Variants in PCGF5 observed in about 807,000 individuals in gnomAD.
PCGF5 encodes polycomb group RING finger protein 5.
Under a neutral mutation model 44.3 loss-of-function variants are expected in PCGF5, and 9 were observed. That is an observed-to-expected ratio of 0.20 (90% CI 0.12 to 0.35). The LOEUF (loss-of-function observed/expected upper bound fraction) is 0.35, where lower values mean the gene tolerates loss of function less well. Among genes scored for constraint, PCGF5 ranks in the 10% least tolerant of loss-of-function variants. The pLI is 1.00. For missense variants in PCGF5, 146 were observed against 305.3 expected, an observed-to-expected ratio of 0.48 and a Z score of 3.89; for synonymous variants, 95 against 102.5, an observed-to-expected ratio of 0.93 and a Z score of 0.44.
At chr10:91,195,485 T>TGCATATATATATATATAG (rs1844116618) in intron 1 of PCGF5, among the ~76,000 whole-genome samples, 3 of 113,484 alleles carry the variant, frequency 2.6e-5, no homozygotes, top group Non-Finnish European at 5.5e-5. Context: ...TATATATATA[T>TGCATATATATATATATAG]AGAGAGAGAG....
intron 3 of PCGF5, among the ~76,000 whole-genome samples, chr10:91,241,775 T>C (rs920535213): frequency 8.5e-5 from 13 of 152,228 alleles, no homozygotes; most frequent in Admixed American, 7.9e-4. Flanking sequence ...TCTATAAATC[T>C]GGATTTGCAA....
chr10:91,221,139 G>A (rs1404021646), intron 1 of PCGF5, among the ~76,000 whole-genome samples: 1 of 152,068 alleles, frequency 6.6e-6, no homozygotes, highest in Non-Finnish European at 1.5e-5. Context: ...GGCTGTGCTG[G>A]GACCCCACAG....
At chr10:91,224,831 T>C (rs1338689989) in intron 2 of PCGF5, among the ~76,000 whole-genome samples, 1 of 152,172 alleles carries the variant, frequency 6.6e-6, no homozygotes, top group Non-Finnish European at 1.5e-5. Context: ...GGTGGTTGTA[T>C]TGTGGACATA....
chr10:91,261,878 A>T (rs1257984921), intron 7 of PCGF5, among the ~76,000 whole-genome samples: 1 of 152,240 alleles, frequency 6.6e-6, no homozygotes, highest in Non-Finnish European at 1.5e-5. Context: ...GGTTTTGTTT[A>T]GCAGTAGATA....
At chr10:91,176,586 A>G (rs1843711784) in intron 1 of PCGF5, among the ~76,000 whole-genome samples, 1 of 151,916 alleles carries the variant, frequency 6.6e-6, no homozygotes, top group African/African-American at 2.4e-5. Context: ...ATAGTCCCAT[A>G]TTTCTTGGAG....
intron 1 of PCGF5, among the ~76,000 whole-genome samples, chr10:91,183,041 T>C (rs185672643): frequency 6.6e-6 from 1 of 152,334 alleles, no homozygotes; most frequent in East Asian, 1.9e-4. Flanking sequence ...TCCGATTATA[T>C]GATCAATTTT....
At chr10:91,199,259 G>A in intron 1 of PCGF5, among the ~76,000 whole-genome samples, 1 of 152,208 alleles carries the variant, frequency 6.6e-6, no homozygotes, top group African/African-American at 2.4e-5. Flanking sequence ...ACTCCCAGGT[G>A]TAGTTTTGTA....
intron 9 of PCGF5, among the ~76,000 whole-genome samples, chr10:91,276,047 T>C (rs906002539): frequency 6.6e-6 from 1 of 150,886 alleles, no homozygotes; most frequent in Non-Finnish European, 1.5e-5. Context: ...GTGGAATTGC[T>C]AAATAGATAA....
rs1439053335 is a variant in PCGF5 at position 91,228,115 on chromosome 10, G to T, written c.112+5132G>T. ...GGTCTTAGGGAGAGGGAGAGACTCTGGACTGGGGACTAGAAATTGATGGCC... is the reference window on the plus strand; with the variant it reads ...GGTCTTAGGGAGAGGGAGAGACTCTTGACTGGGGACTAGAAATTGATGGCC... On this transcript the variant is annotated intron_variant, in intron 2 of 9. Transcript: ENST00000336126. 5.3e-5 allele frequency among the ~76,000 whole-genome samples: 8 copies of T among 152,096 alleles called. No homozygotes were observed. The East Asian group carries it at 1.5e-3, about 29-fold the overall frequency.
chr10:91,189,738 G>C (rs992563527), intron 1 of PCGF5, among the ~76,000 whole-genome samples: 1 of 152,144 alleles, frequency 6.6e-6, no homozygotes, highest in African/African-American at 2.4e-5. Context: ...TTTCGCTTAG[G>C]CCTTCTTGCC....
In PCGF5 at chr10:91,194,327, T is replaced by C. The variant is rs575460900; in HGVS notation, c.-183-28362T>C. On this transcript the variant is annotated intron_variant, in intron 1 of 9. Coordinates refer to the PCGF5 transcript ENST00000614189. The stretch of plus-strand genomic sequence containing the variant: ...GAAGTCCTTAGAAGTAGAGTATCTT[T>C]CCCATGGTGGTCAGAGGCTGAGGTG... Among the ~76,000 whole-genome samples the C allele has an allele frequency of 2.3e-4, 35 of 152,288 alleles. 1 individual carries two copies. Among genetic ancestry groups the C allele is most frequent in the Non-Finnish European group, 1.9e-4 (13 of 68,016 alleles).
chr10:91,156,769 C>A, the PCGF5 span, among the ~76,000 whole-genome samples: 1 of 152,182 alleles, frequency 6.6e-6, no homozygotes, highest in Non-Finnish European at 1.5e-5. Flanking sequence ...GTGGTACCCA[C>A]CACATTTAAT....
intron 3 of PCGF5, among the ~76,000 whole-genome samples, chr10:91,245,045 C>G (rs1668512737): frequency 6.6e-6 from 1 of 152,094 alleles, no homozygotes; most frequent in African/African-American, 2.4e-5. Context: ...GAGATCACTT[C>G]AGGGAGTGAG....
At chr10:91,235,333 C>T (rs1845129926) in intron 2 of PCGF5, among the ~76,000 whole-genome samples, 1 of 152,148 alleles carries the variant, frequency 6.6e-6, no homozygotes, top group South Asian at 2.1e-4. Flanking sequence ...ATTTGTCCAA[C>T]AACCTGGTTC....
At chr10:91,261,295 C>T (rs369241567) in intron 6 of PCGF5, 31 bp from the exon 7 acceptor site, 2 of 1,445,322 alleles carry the variant, frequency 1.4e-6, no homozygotes, top group African/African-American at 1.4e-5. Flanking sequence ...ACTGGTAGAA[C>T]ATTTTAACTG....
intron 1 of PCGF5, among the ~76,000 whole-genome samples, chr10:91,212,559 G>C (rs1255252791): frequency 1.3e-5 from 2 of 152,134 alleles, no homozygotes; most frequent in Admixed American, 6.5e-5. Context: ...ATACTCAGAG[G>C]CTACTCTACT....
intron 1 of PCGF5, among the ~76,000 whole-genome samples, chr10:91,206,788 G>T (rs1337953620): frequency 2.0e-5 from 3 of 152,114 alleles, no homozygotes; most frequent in African/African-American, 7.2e-5. Context: ...CTTACATTGT[G>T]TATTCTCTGC....
At chr10:91,270,749 A>G (rs1193318936) in intron 8 of PCGF5, among the ~76,000 whole-genome samples, 1 of 152,190 alleles carries the variant, frequency 6.6e-6, no homozygotes, top group Non-Finnish European at 1.5e-5. Context: ...ATCCTGGTTA[A>G]TTTGTACCTT....
intron 4 of PCGF5, 43 bp from the exon 5 acceptor site, chr10:91,248,622 A>G (rs771594188): frequency 6.3e-7 from 1 of 1,597,646 alleles, no homozygotes; most frequent in Non-Finnish European, 8.6e-7. Flanking sequence ...CTTCTATTAA[A>G]GATTTCATGA....
Sources: gnomAD v4.1 joint callset for allele counts (sites outside exome capture counted in the v4.1 genomes callset) on GRCh38, gnomAD v4.1.1 for gene constraint, MANE v1.5 for transcripts, NCBI Gene and HGNC (gene_info 2026-07-23, HGNC 2026-07-21) for gene names.